ZBTB20: variants seen among roughly 807,000 people sequenced by gnomAD.
The protein encoded by ZBTB20 is zinc finger and BTB domain-containing protein 20.
ZBTB20 carries 9 observed loss-of-function variants against 56.9 expected under a neutral mutation model. That is an observed-to-expected ratio of 0.16 (90% CI 0.10 to 0.28). The LOEUF is 0.28. Among genes scored for constraint, ZBTB20 ranks in the 10% least tolerant of loss-of-function variants. The pLI is 1.00. For synonymous variants in ZBTB20, 417 were observed against 420.7 expected (o/e 0.99, Z 0.11); for missense variants, 655 against 1,003.0 (o/e 0.65, Z 4.69).
chr3:114,997,505 ATAAAG>A (rs1172351232), intron 2 of ZBTB20, among the ~76,000 whole-genome samples: 1 of 151,876 alleles, frequency 6.6e-6, no homozygotes, highest in African/African-American at 2.4e-5. Flanking sequence ...TTCCAAAGAA[ATAAAG>A]TAATTTTTCA....
rs528327021 is a variant in ZBTB20, at chr3:114,928,582, A to G, written c.-455-28240T>C. Among the ~76,000 whole-genome samples, 83 of 152,360 alleles carry G rather than the reference A, an allele frequency of 5.4e-4. 2 individuals carry two copies. The South Asian group carries it at 0.016, about 30-fold the overall frequency. On this transcript the variant is annotated intron_variant, in intron 3 of 11. Transcript: ENST00000675478. ...AGAGATACATTATGCCTTTCACGCA[A>G]GTGCAAAAAAATTAAAAATGTAGAC...
intron 6 of ZBTB20, among the ~76,000 whole-genome samples, chr3:114,692,625 C>T (rs536960727): frequency 1.8e-4 from 27 of 152,210 alleles, no homozygotes; most frequent in African/African-American, 6.5e-4. Flanking sequence ...CCTCCTCCTC[C>T]CTCTCCAGTA....
At chr3:114,426,110 C>T (rs6797700) in intron 7 of ZBTB20, among the ~76,000 whole-genome samples, 139,962 of 151,930 alleles carry the variant, frequency 0.92, 65,561 homozygotes, top group East Asian at 1. Context: ...CCGAGGTGGG[C>T]GGATCATGAG....
intron 1 of ZBTB20, among the ~76,000 whole-genome samples, chr3:115,138,399 T>C (rs951130962): frequency 2.0e-5 from 3 of 152,114 alleles, no homozygotes; most frequent in Non-Finnish European, 2.9e-5. Flanking sequence ...TTTAAAAAGA[T>C]TCTATCACAG....
intron 5 of ZBTB20, among the ~76,000 whole-genome samples, chr3:114,779,569 A>T (rs1390786476): frequency 6.6e-6 from 1 of 152,170 alleles, no homozygotes; most frequent in Non-Finnish European, 1.5e-5. Flanking sequence ...TAAAATATAA[A>T]ATAATTTTTA....
chr3:114,344,926 C>T (rs1032979212), intron 11 of ZBTB20, among the ~76,000 whole-genome samples: 3 of 151,848 alleles, frequency 2.0e-5, no homozygotes, highest in South Asian at 2.1e-4. Context: ...CACCAGTGAA[C>T]GGGCTGTTGA....
intron 6 of ZBTB20, among the ~76,000 whole-genome samples, chr3:114,524,902 C>T (rs1314871276): frequency 2.6e-5 from 4 of 152,072 alleles, no homozygotes; most frequent in African/African-American, 7.2e-5. Flanking sequence ...TTAGTAGAGA[C>T]GAGGTTTCAC....
intron 5 of ZBTB20, among the ~76,000 whole-genome samples, chr3:114,717,817 A>T (rs1419663400): frequency 1.3e-5 from 1 of 79,582 alleles, no homozygotes; most frequent in Non-Finnish European, 2.5e-5. Flanking sequence ...TTTAATTTTC[A>T]TCTGACTCAA....
intron 7 of ZBTB20, among the ~76,000 whole-genome samples, chr3:114,401,839 AC>A (rs1206679948): frequency 2.0e-5 from 3 of 152,178 alleles, no homozygotes; most frequent in African/African-American, 2.4e-5. Flanking sequence ...TTGTTTGAGA[AC>A]AAATACAAAT....
At chr3:114,569,462 G>T (rs1049247157) in intron 6 of ZBTB20, among the ~76,000 whole-genome samples, 4 of 152,208 alleles carry the variant, frequency 2.6e-5, no homozygotes, top group Admixed American at 2.6e-4. Flanking sequence ...AATGAGGCAG[G>T]CCCTGGGATC....
intron 4 of ZBTB20, among the ~76,000 whole-genome samples, chr3:114,898,237 T>G (rs1003399915): frequency 7.9e-5 from 12 of 152,084 alleles, no homozygotes; most frequent in African/African-American, 2.9e-4. Context: ...CCATATAACA[T>G]AGATTTGTTT....
chr3:114,567,174 T>C (rs1481391364), intron 6 of ZBTB20, among the ~76,000 whole-genome samples: 1 of 152,188 alleles, frequency 6.6e-6, no homozygotes, highest in African/African-American at 2.4e-5. Flanking sequence ...GTGACTTTTC[T>C]CTCTATTTGA....
rs147035411 is a variant in ZBTB20, at chr3:114,782,038, G to C, written c.-343+19063C>G. ...CAAAGGAGAAAATGGGGGAGCAGAA[G>C]AGGCTTAGCAGGATGCATACATCTT... On this transcript the variant is annotated intron_variant, in intron 5 of 11. Transcript: ENST00000675478. Among the ~76,000 whole-genome samples the C allele has an allele frequency of 5.3e-3, 814 of 152,250 alleles. 14 individuals carry two copies. The highest frequency in any genetic ancestry group is 3.6e-3 in the Non-Finnish European group (246 of 68,034).
intron 3 of ZBTB20, among the ~76,000 whole-genome samples, chr3:114,951,855 C>G (rs1016427552): frequency 2.0e-5 from 3 of 151,924 alleles, no homozygotes; most frequent in Non-Finnish European, 4.4e-5. Flanking sequence ...TTGACAAAAA[C>G]TTTAAATTTA....
intron 5 of ZBTB20, among the ~76,000 whole-genome samples, chr3:114,748,290 C>CT: frequency 8.0e-6 from 1 of 124,398 alleles, no homozygotes; most frequent in African/African-American, 3.1e-5. Context: ...TTCTTTCTTT[C>CT]TTTCTTTCTT....
chr3:115,056,010 C>T (rs984488320), intron 2 of ZBTB20, among the ~76,000 whole-genome samples: 1 of 151,938 alleles, frequency 6.6e-6, no homozygotes, highest in Non-Finnish European at 1.5e-5. Context: ...GTAAATAATT[C>T]CATATAAAAG....
chr3:114,473,997 CAAG>C (rs2040448656), intron 7 of ZBTB20, among the ~76,000 whole-genome samples: 1 of 152,156 alleles, frequency 6.6e-6, no homozygotes, highest in African/African-American at 2.4e-5. Flanking sequence ...TGGCAGAAGG[CAAG>C]GAGGAGCAAG....
intron 5 of ZBTB20, among the ~76,000 whole-genome samples, chr3:114,739,367 T>C (rs2066413675): frequency 6.6e-6 from 1 of 152,172 alleles, no homozygotes; most frequent in Non-Finnish European, 1.5e-5. Context: ...TCAAGAGACA[T>C]AACAAACGTG....
At chr3:115,054,738 T>G (rs2081691250) in intron 2 of ZBTB20, among the ~76,000 whole-genome samples, 1 of 152,090 alleles carries the variant, frequency 6.6e-6, no homozygotes, top group Admixed American at 6.6e-5. Context: ...AATAAAAAAC[T>G]AGGAATGGCT....
Sources: gnomAD v4.1 joint callset for allele counts (sites outside exome capture counted in the v4.1 genomes callset) on GRCh38, gnomAD v4.1.1 for gene constraint, MANE v1.5 for transcripts, NCBI Gene and HGNC (gene_info 2026-07-23, HGNC 2026-07-21) for gene names.